CLIP1: variants seen among roughly 807,000 people sequenced by gnomAD.
CLIP1 encodes the protein CAP-Gly domain containing linker protein 1.
Under a neutral mutation model 161.6 loss-of-function variants are expected in CLIP1, and 66 were observed. The observed-to-expected ratio is 0.41, with a 90% CI of 0.33 to 0.50. The LOEUF is 0.50. Ranked by LOEUF, CLIP1 falls within the 20% of genes least tolerant of loss-of-function variation. The pLI is 0.27. For synonymous variants in CLIP1, 598 were observed against 626.2 expected (o/e 0.96, Z 0.67); for missense variants, 1,376 against 1,702.0 (o/e 0.81, Z 3.37).
intron 1 of CLIP1, among the ~76,000 whole-genome samples, chr12:122,402,683 G>C (rs963916227): frequency 7.2e-5 from 11 of 152,022 alleles, no homozygotes; most frequent in African/African-American, 2.7e-4. Flanking sequence ...GGCTGAGGCA[G>C]GAGAATTGCT....
intron 20 of CLIP1, among the ~76,000 whole-genome samples, chr12:122,293,677 C>T (rs1950345282): frequency 6.6e-6 from 1 of 151,844 alleles, no homozygotes; most frequent in African/African-American, 2.4e-5. Flanking sequence ...AGGTTTTCTC[C>T]ACGTTGATCA....
chr12:122,296,861 CAAAAAA>C (rs56071033), intron 20 of CLIP1, among the ~76,000 whole-genome samples: 1 of 58,256 alleles, frequency 1.7e-5, no homozygotes, highest in African/African-American at 4.7e-5. Context: ...GAGACTACCT[CAAAAAA>C]AAAAAAAAAA....
At chr12:122,405,515 G>A (rs565547906) in intron 1 of CLIP1, among the ~76,000 whole-genome samples, 17 of 152,222 alleles carry the variant, frequency 1.1e-4, no homozygotes, top group African/African-American at 3.9e-4. Context: ...GCAGCCAGGC[G>A]CGGTGGCTCA....
chr12:122,362,717 A>T (rs1358214023), intron 4 of CLIP1, among the ~76,000 whole-genome samples: 4 of 37,346 alleles, frequency 1.1e-4, no homozygotes, highest in East Asian at 5.1e-4. Flanking sequence ...ATATGATAAA[A>T]AAAAAAAAAA....
chr12:122,299,852 C>G (rs1298422946), intron 20 of CLIP1, among the ~76,000 whole-genome samples: 2 of 151,708 alleles, frequency 1.3e-5, no homozygotes, highest in African/African-American at 2.4e-5. Flanking sequence ...GGAGGCGGAG[C>G]TTGCAGTGAG....
At chr12:122,416,919 T>C (rs961769731) in intron 1 of CLIP1, among the ~76,000 whole-genome samples, 2 of 150,194 alleles carry the variant, frequency 1.3e-5, no homozygotes, top group African/African-American at 4.9e-5. Flanking sequence ...ATTATAACAA[T>C]AACATGGTGC....
chr12:122,288,617 C>A (rs1592981619), intron 20 of CLIP1, 76 bp from the exon 21 acceptor site: 3 of 1,262,310 alleles, frequency 2.4e-6, no homozygotes, highest in Middle Eastern at 1.9e-4. Context: ...ACATGTACAT[C>A]CCCCAGGCTC....
intron 1 of CLIP1, among the ~76,000 whole-genome samples, chr12:122,389,231 C>T (rs1356626454): frequency 6.6e-6 from 1 of 152,244 alleles, no homozygotes; most frequent in Non-Finnish European, 1.5e-5. Flanking sequence ...GTGTAGCTCA[C>T]AGATTCCACC....
Position 122,354,481 on chromosome 12 carries a change from G to T in CLIP1, c.1279C>A (p.Leu427Ile). The change falls in exon 7 of 26, where the codon CTT (leucine) becomes ATT (isoleucine). Residue 427 changes from leucine (L) to isoleucine (I), a missense_variant. Physicochemically the swap from Leu to Ile is conservative, Grantham distance 5 (BLOSUM62 2). Around this residue, in one of 6 missense-constraint regions of CLIP1, gnomAD observed 211 missense variants for 295.1 expected, o/e 0.72. Coordinates refer to ENST00000620786, the MANE Select transcript of CLIP1 (RefSeq NM_001247997.2). ...TTCTCCTCTTCAAGCTGGTTGAGAAGCTCCACCTTCTCCCTGTCAGCAGCT... is the reference window on the plus strand; with the variant it reads ...TTCTCCTCTTCAAGCTGGTTGAGAATCTCCACCTTCTCCCTGTCAGCAGCT... ...VEAADREKVE[L>I]LNQLEEEKRK... 6.2e-7 allele frequency: 1 copy of T among 1,613,830 alleles called. No homozygotes were observed. Among genetic ancestry groups the T allele is most frequent in the Non-Finnish European group, 8.5e-7 (1 of 1,179,856 alleles).
At chr12:122,403,295 C>G (rs12297513) in intron 1 of CLIP1, among the ~76,000 whole-genome samples, 11,524 of 152,134 alleles carry the variant, frequency 0.076, 1,429 homozygotes, top group African/African-American at 0.26. Context: ...GGAAGCTCTG[C>G]TGGCAGCACA....
At chr12:122,373,217 G>A (rs1190864485) in intron 3 of CLIP1, among the ~76,000 whole-genome samples, 3 of 152,062 alleles carry the variant, frequency 2.0e-5, no homozygotes, top group African/African-American at 7.2e-5. Context: ...CTGAGCTCAG[G>A]AGTTCAAGAC....
In CLIP1 at chr12:122,272,813, G is replaced by C; in HGVS notation, c.*62C>G. ...TCCTGAAGTCTGCACACACAATGCTGGTGTTACGTTGTGTCAATGCGAGTG... is the reference window on the plus strand; with the variant it reads ...TCCTGAAGTCTGCACACACAATGCTCGTGTTACGTTGTGTCAATGCGAGTG... On this transcript the variant is annotated 3_prime_UTR_variant, in exon 26 of 26. Transcript: ENST00000620786. 1 of 1,327,594 alleles carries C rather than the reference G, an allele frequency of 7.5e-7. No individual in the cohort carries two copies. The highest frequency in any genetic ancestry group is 1.1e-6 in the Non-Finnish European group (1 of 919,778). 82.2% of individuals were successfully genotyped at this position (1,327,594 alleles called of 1,614,324 possible).
intron 1 of CLIP1, among the ~76,000 whole-genome samples, chr12:122,413,330 CG>C (rs1235347827): frequency 1.3e-5 from 2 of 151,992 alleles, no homozygotes; most frequent in Non-Finnish European, 2.9e-5. Flanking sequence ...TTTTTAGAAT[CG>C]GGGGGAAAAA....
In CLIP1 at chr12:122,351,049, T is replaced by C. The variant is rs753546773; in HGVS notation, c.1401+62A>G. 21 of 1,271,508 alleles carry C rather than the reference T, an allele frequency of 1.7e-5. 1 individual carries two copies. The highest frequency in any genetic ancestry group is 1.1e-4 in the South Asian group (8 of 75,220). 78.8% of individuals were successfully genotyped at this position (1,271,508 alleles called of 1,614,324 possible). The stretch of plus-strand genomic sequence containing the variant: ...AGTGTTTGAGTATATCAATAAGCAT[T>C]TTAATCTGTGATCAATCTTTGTTAA... On this transcript the variant is annotated intron_variant, in intron 9 of 25. Transcript: ENST00000620786.
chr12:122,413,762 T>G (rs1215618869), intron 1 of CLIP1, among the ~76,000 whole-genome samples: 1 of 152,136 alleles, frequency 6.6e-6, no homozygotes, highest in Non-Finnish European at 1.5e-5. Flanking sequence ...AAAGCATACT[T>G]TTAAGATTTT....
chr12:122,340,973 T>TCCTTTA lies in CLIP1; in HGVS notation c.2225_2230dup (p.Val742_Lys743dup). On this transcript the variant is annotated inframe_insertion, in exon 11 of 26. Transcript: ENST00000620786. Reference sequence around the variant, plus strand: ...GCATTTGGCTTGCAGTACCTCTAGCTCCTTTACCTTTATTTCAGCTTCCTG... The same window carrying TCCTTTA: ...GCATTTGGCTTGCAGTACCTCTAGCTCCTTTACCTTTACCTTTATTTCAGCTTCCTG... 1 of 1,614,230 alleles carries TCCTTTA rather than the reference T, an allele frequency of 6.2e-7. No individual in the cohort carries two copies. The highest frequency in any genetic ancestry group is 8.5e-7 in the Non-Finnish European group (1 of 1,180,038).
At chr12:122,338,745 T>C (rs1361423406) in intron 11 of CLIP1, among the ~76,000 whole-genome samples, 1 of 151,842 alleles carries the variant, frequency 6.6e-6, no homozygotes, top group African/African-American at 2.4e-5. Context: ...AACAAAAAAA[T>C]CCACTGGACA....
chr12:122,373,379 C>T (rs78896010), intron 3 of CLIP1, among the ~76,000 whole-genome samples: 4,226 of 150,892 alleles, frequency 0.028, 213 homozygotes, highest in African/African-American at 0.098. Context: ...GCCAAGATTG[C>T]GCCACTGCAC....
chr12:122,278,178 C>T lies in CLIP1; in HGVS notation c.3942G>A (p.Glu1314=). The change falls in exon 24 of 26, where the codon GAG becomes GAA. Residue 1314 remains glutamate, a synonymous_variant. Coordinates refer to ENST00000620786, the MANE Select transcript of CLIP1 (RefSeq NM_001247997.2). The stretch of plus-strand genomic sequence containing the variant: ...CCTGACTCTCCTGGGCTCTTTCATC[C>T]TCGTCTGCCTGAGTGTCTGTATTAC... ...SSGNTDTQAD[E]DERAQESQID... 6.2e-7 allele frequency: 1 copy of T among 1,605,078 alleles called. No individual in the cohort carries two copies. Among genetic ancestry groups the T allele is most frequent in the Non-Finnish European group, 8.5e-7 (1 of 1,178,488 alleles).
Sources: gnomAD v4.1 joint callset for allele counts (sites outside exome capture counted in the v4.1 genomes callset) on GRCh38, gnomAD v4.1.1 for gene constraint, gnomAD v4.1.1 regional missense constraint, MANE v1.5 for transcripts, NCBI Gene and HGNC (gene_info 2026-07-23, HGNC 2026-07-21) for gene names.